Variants in C1QB observed in about 807,000 individuals in gnomAD.
The protein encoded by C1QB is complement C1q B chain.
In C1QB, 2 loss-of-function variants were observed where a neutral mutation model predicts 4.6. The observed-to-expected ratio is 0.43, with a 90% CI of 0.18 to 1.36. The LOEUF is 1.36. C1QB is among the 40% of genes most tolerant of loss of function. The probability of loss-of-function intolerance (pLI) is 0.28; values close to 1 mark genes in which losing one functional copy is unlikely to be tolerated. For missense variants in C1QB, 292 were observed against 338.0 expected, an observed-to-expected ratio of 0.86 and a Z score of 1.07; for synonymous variants, 132 against 137.1, an observed-to-expected ratio of 0.96 and a Z score of 0.26.
At chr1:22,657,784 A>G (rs1281520513) in intron 1 of C1QB, among the ~76,000 whole-genome samples, 1 of 152,204 alleles carries the variant, frequency 6.6e-6, no homozygotes, top group Non-Finnish European at 1.5e-5. Flanking sequence ...TGAGGGTTAA[A>G]CTAGATGAAC....
chr1:22,660,923 G>A lies in C1QB; in HGVS notation c.293G>A (p.Gly98Asp), dbSNP rs934072878. ...GPKGPMGPKG[G>D]PGAPGAPGPK... ...AAGGGCCCCATGGGCCCTAAAGGTG[G>A]CCCAGGGGCCCCTGGAGCCCCAGGC... Residue 98 changes from glycine (G) to aspartate (D), a missense_variant, in exon 3 of 3, where the codon GGC becomes GAC. Physicochemically the swap from Gly to Asp is moderately conservative, Grantham distance 94. Transcript: ENST00000509305. 4 of 1,613,224 alleles carry A rather than the reference G, an allele frequency of 2.5e-6. No individual in the cohort carries two copies. In the Admixed American group the frequency reaches 6.7e-5, roughly 27 times the overall value.
intron 1 of C1QB, among the ~76,000 whole-genome samples, chr1:22,656,721 T>C (rs1173751487): frequency 6.6e-6 from 1 of 152,132 alleles, no homozygotes; most frequent in Non-Finnish European, 1.5e-5. Context: ...TGTCTAGGAA[T>C]AGCATCAGAC....
intron 1 of C1QB, among the ~76,000 whole-genome samples, chr1:22,659,061 GGATGGAT>G (rs1642574427): frequency 6.6e-6 from 1 of 150,396 alleles, no homozygotes; most frequent in African/African-American, 2.5e-5. Flanking sequence ...ATGGATGGAT[GGATGGAT>G]GGATGGATGG....
chr1:22,653,274 C>T lies in C1QB; in HGVS notation c.-53C>T, dbSNP rs937673156. 6 of 152,306 alleles carry T rather than the reference C, an allele frequency of 3.9e-5. No homozygotes were observed. Among genetic ancestry groups the T allele is most frequent in the African/African-American group, 1.4e-4 (6 of 41,468 alleles). The allele number at this position is 152,306 out of a possible 1,614,324, so 9.4% of individuals were successfully genotyped here. ...CTCCTGGTCCCACTGCTGCTCAGCC[C>T]AGTGGCCTCACAGGACACCAGCTTC... On this transcript the variant is annotated 5_prime_UTR_variant, in exon 1 of 3. Transcript: ENST00000509305.
At position 22,661,288 on chromosome 1, in the gene C1QB, G is replaced by A. The variant is rs765411391; in HGVS notation, c.658G>A (p.Val220Ile). 14 of 1,613,816 alleles carry A rather than the reference G, an allele frequency of 8.7e-6. No individual in the cohort carries two copies. The highest frequency in any genetic ancestry group is 5.0e-5 in the Admixed American group (3 of 59,988). Residue 220 changes from valine to isoleucine, a missense_variant, in exon 3 of 3, where the codon GTC becomes ATC. Transcript: ENST00000509305. ...CCTCAAGCTGGAGCAGGGGGAGAAC[G>A]TCTTCCTGCAGGCCACCGACAAGAA... ...MVLKLEQGEN[V>I]FLQATDKNSL...
intron 1 of C1QB, among the ~76,000 whole-genome samples, chr1:22,656,086 G>T (rs1642525446): frequency 6.6e-6 from 1 of 152,182 alleles, no homozygotes; most frequent in Non-Finnish European, 1.5e-5. Flanking sequence ...TGTGCAGCTA[G>T]CGTTGTGATT....
chr1:22,661,437 C>G lies in C1QB; in HGVS notation c.*51C>G. On this transcript the variant is annotated 3_prime_UTR_variant, in exon 3 of 3. Coordinates refer to ENST00000509305, the MANE Select transcript of C1QB (RefSeq NM_001378156.1). ...CGGCTCCCCCTGCCAGCAACGCTCACTCTACCCCCAACACCACCCCTTGCC... is the reference window on the plus strand; with the variant it reads ...CGGCTCCCCCTGCCAGCAACGCTCAGTCTACCCCCAACACCACCCCTTGCC... 6.2e-7 allele frequency: 1 copy of G among 1,604,554 alleles called. No homozygotes were observed. Among genetic ancestry groups the G allele is most frequent in the Non-Finnish European group, 8.5e-7 (1 of 1,172,994 alleles).
chr1:22,659,417 C>T lies in C1QB; in HGVS notation c.-23-23C>T, dbSNP rs766163835. The stretch of plus-strand genomic sequence containing the variant: ...ATGATAGGATCACCACGGTGGTAAC[C>T]TCTCACATTGTCTTCTCCACAGGAG... On this transcript the variant is annotated intron_variant, in intron 1 of 2. Transcript: ENST00000509305. 4.3e-6 allele frequency: 7 copies of T among 1,609,324 alleles called. No homozygotes were observed. The Admixed American group carries it at 5.0e-5, about 12-fold the overall frequency.
chr1:22,659,627 G>A lies in C1QB; in HGVS notation c.165G>A (p.Gly55=). ...CCGATGGCCAACCTGGGACCCCAGG[G>A]ATAAAAGGAGAGAAAGGTACCATGG... ...PGPDGQPGTP[G]IKGEKGLPGL... Residue 55 remains glycine, a synonymous_variant, in exon 2 of 3, where the codon GGG becomes GGA. Transcript: ENST00000509305. 6.2e-7 allele frequency: 1 copy of A among 1,613,036 alleles called. No individual in the cohort carries two copies. Among genetic ancestry groups the A allele is most frequent in the Non-Finnish European group, 8.5e-7 (1 of 1,179,462 alleles).
rs750429527 is a variant in C1QB, at chr1:22,659,691, GTC to G, written c.181+51_181+52del. The G allele has an allele frequency of 3.2e-6, 5 of 1,562,202 alleles. No homozygotes were observed. In the African/African-American group the frequency reaches 6.8e-5, roughly 21 times the overall value. On this transcript the variant is annotated intron_variant, in intron 2 of 2. Transcript: ENST00000509305. Reference sequence around the variant, plus strand: ...ACTGGTAATACTGACCAAATTTCCCGTCTCCTGCCTCCCAAGTCACAGTTGCC... The same window carrying G: ...ACTGGTAATACTGACCAAATTTCCCGTCCTGCCTCCCAAGTCACAGTTGCC...
At chr1:22,659,376 A>C (rs1642585204) in intron 1 of C1QB, 64 bp from the exon 2 acceptor site, 1 of 1,412,658 alleles carries the variant, frequency 7.1e-7, no homozygotes. Context: ...GGATGGATGG[A>C]TGGATGGATG....
chr1:22,655,409 G>A (rs1461021749), intron 1 of C1QB, among the ~76,000 whole-genome samples: 2 of 152,156 alleles, frequency 1.3e-5, no homozygotes, highest in Non-Finnish European at 2.9e-5. Flanking sequence ...AATTGATCAG[G>A]ACTAGGCTGA....
intron 1 of C1QB, among the ~76,000 whole-genome samples, chr1:22,656,854 G>A (rs61767330): frequency 0.23 from 34,801 of 152,046 alleles, 4,428 homozygotes; most frequent in Admixed American, 0.31. Context: ...CCCTGCTTGG[G>A]TTTGGATTCT....
rs776246676 is a variant in C1QB, at chr1:22,659,339, A to G, written c.-23-101A>G. 355 of 869,584 alleles carry G rather than the reference A, an allele frequency of 4.1e-4. 25 individuals carry two copies. The South Asian group carries it at 5.2e-3, about 13-fold the overall frequency. The allele number at this position is 869,584 out of a possible 1,614,324, so 53.9% of individuals were successfully genotyped here. On this transcript the variant is annotated intron_variant, in intron 1 of 2. Coordinates refer to ENST00000509305, the MANE Select transcript of C1QB (RefSeq NM_001378156.1). ...ATGGATGGATGGATGCAGATGGAGGAATAGAGAGATGGATGGATGGATGGA... is the reference window on the plus strand; with the variant it reads ...ATGGATGGATGGATGCAGATGGAGGGATAGAGAGATGGATGGATGGATGGA...
rs576397193 is a variant in C1QB at position 22,653,311 on chromosome 1, C to G, written c.-24+8C>G. The stretch of plus-strand genomic sequence containing the variant: ...AGGACACCAGCTTCCCAGGTGAGGA[C>G]GGGGCTTGGCGCCTGGGGGAGGCTG... On this transcript the variant is annotated splice_region_variant and intron_variant, in intron 1 of 2. Coordinates refer to ENST00000509305, the MANE Select transcript of C1QB (RefSeq NM_001378156.1). The G allele has an allele frequency of 6.6e-6, 1 of 152,454 alleles. No individual in the cohort carries two copies. The allele number at this position is 152,454 out of a possible 1,614,324, so 9.4% of individuals were successfully genotyped here. A position where few individuals can be genotyped will look rare whatever the true frequency, so the allele number is the denominator to read the frequency against.
chr1:22,659,563 CCATCCCTGG>C lies in C1QB; in HGVS notation c.108_116del (p.Ile41_Gly43del), dbSNP rs1293431563. 6.2e-7 allele frequency: 1 copy of C among 1,614,072 alleles called. No homozygotes were observed. The highest frequency in any genetic ancestry group is 1.1e-5 in the South Asian group (1 of 91,076). ...CAGCTCAGCTGCACCGGGCCCCCAGCCATCCCTGGCATCCCGGGTATCCCTGGGACACCT... is the reference window on the plus strand; with the variant it reads ...CAGCTCAGCTGCACCGGGCCCCCAGCCATCCCGGGTATCCCTGGGACACCT... On this transcript the variant is annotated inframe_deletion, in exon 2 of 3. Coordinates refer to ENST00000509305, the MANE Select transcript of C1QB (RefSeq NM_001378156.1).
chr1:22,655,073 G>A (rs1642510966), intron 1 of C1QB, among the ~76,000 whole-genome samples: 1 of 152,174 alleles, frequency 6.6e-6, no homozygotes, highest in Admixed American at 6.5e-5. Context: ...TGTAAAATAA[G>A]AAAGCAAGAG....
intron 1 of C1QB, among the ~76,000 whole-genome samples, chr1:22,659,169 G>A (rs959057481): frequency 2.1e-5 from 3 of 146,210 alleles, no homozygotes; most frequent in African/African-American, 7.7e-5. Context: ...GAGGGATAGA[G>A]AGATGGATGG....
intron 1 of C1QB, among the ~76,000 whole-genome samples, chr1:22,657,663 G>A (rs1026331535): frequency 5.3e-5 from 8 of 152,226 alleles, no homozygotes; most frequent in African/African-American, 1.7e-4. Context: ...GAACTAGATG[G>A]AAGTGAGGGT....
Sources: allele counts gnomAD v4.1 joint callset (sites outside exome capture counted in the v4.1 genomes callset), GRCh38; gene constraint gnomAD v4.1.1; transcripts MANE v1.5; gene names NCBI Gene and HGNC (gene_info 2026-07-23, HGNC 2026-07-21).